Variants in GALNT9 observed in about 807,000 individuals in gnomAD.
GALNT9 encodes the protein GalNAc transferase 9.
Under a neutral mutation model 63.1 loss-of-function variants are expected in GALNT9, and 47 were observed. The ratio of observed to expected loss-of-function variants is 0.75; its 90% CI spans 0.59 to 0.95. The LOEUF (loss-of-function observed/expected upper bound fraction) is 0.95, where lower values mean the gene tolerates loss of function less well. Ranked by LOEUF, GALNT9 falls within the 40% of genes least tolerant of loss-of-function variation. The pLI, the probability that GALNT9 is intolerant of heterozygous loss-of-function variation, is 0.00. For synonymous variants in GALNT9, 396 were observed against 365.7 expected, an observed-to-expected ratio of 1.08 and a Z score of -0.94; for missense variants, 829 against 874.8, an observed-to-expected ratio of 0.95 and a Z score of 0.66.
chr12:132,286,436 G>A lies in GALNT9; in HGVS notation c.239-6C>T. The A allele has an allele frequency of 6.5e-7, 1 of 1,547,758 alleles. No individual in the cohort carries two copies. The highest frequency in any genetic ancestry group is 8.7e-7 in the Non-Finnish European group (1 of 1,145,774). On this transcript the variant is annotated splice_polypyrimidine_tract_variant and splice_region_variant and intron_variant, in intron 1 of 10. Transcript: ENST00000328957. This position sits in a 1 kb window ranked among gnomAD's most constrained non-coding sequence, Gnocchi z 7.4. ...GCCGATGGGCTTGGCAAGGCCTGGG[G>A]GAAAGGAAGAGAGGGAGGTCAGGCA...
At chr12:132,264,424 A>T (rs1254825831) in intron 2 of GALNT9, among the ~76,000 whole-genome samples, 3 of 152,242 alleles carry the variant, frequency 2.0e-5, no homozygotes, top group African/African-American at 7.2e-5. Context: ...GGAAAAGTCC[A>T]GGTGTGTTTG....
chr12:132,225,754 A>C (rs1877648287), intron 6 of GALNT9, among the ~76,000 whole-genome samples: 1 of 134,016 alleles, frequency 7.5e-6, no homozygotes, highest in African/African-American at 3.0e-5. Context: ...CACCCCCCAC[A>C]ACCCACACTA....
At chr12:132,241,403 G>A (rs1411617436) in intron 6 of GALNT9, among the ~76,000 whole-genome samples, 4 of 33,060 alleles carry the variant, frequency 1.2e-4, no homozygotes, top group Admixed American at 3.5e-4. Flanking sequence ...CCCCCTTCCC[G>A]GGGCCCTCCC....
In GALNT9 at chr12:132,243,370, C is replaced by T. The variant is rs141960065; in HGVS notation, c.1077+4540G>A. On this transcript the variant is annotated intron_variant, in intron 6 of 10. Coordinates refer to ENST00000328957, the MANE Select transcript of GALNT9 (RefSeq NM_001122636.2). Reference sequence around the variant, plus strand: ...TCAGGGCCCCCAGTGGCCTCAGTGTCCAGTCCTCCCCGTCCTCCGGAGCTC... The same window carrying T: ...TCAGGGCCCCCAGTGGCCTCAGTGTTCAGTCCTCCCCGTCCTCCGGAGCTC... Among the ~76,000 whole-genome samples the T allele has an allele frequency of 3.5e-3, 526 of 150,706 alleles. 30 individuals are homozygous for T. Among genetic ancestry groups the T allele is most frequent in the African/African-American group, 0.012 (493 of 40,136 alleles).
chr12:132,302,240 A>G (rs1555243895), intron 1 of GALNT9, among the ~76,000 whole-genome samples: 1 of 151,168 alleles, frequency 6.6e-6, no homozygotes, highest in Non-Finnish European at 1.5e-5. Context: ...ACACACACAC[A>G]CACACACACA....
Position 132,323,571 on chromosome 12 carries a change from G to A in GALNT9, c.238+5395C>T, listed in dbSNP as rs934215644. 2.6e-5 allele frequency among the ~76,000 whole-genome samples: 4 copies of A among 152,328 alleles called. No individual in the cohort carries two copies. In the South Asian group the frequency reaches 6.2e-4, roughly 24 times the overall value. ...CGATGGGGAGGACAGCTGTGTGTGA[G>A]TGCAGGCAAGGAAGAGAACGCACAA... is the stretch of plus-strand genomic sequence containing the variant. On this transcript the variant is annotated intron_variant, in intron 1 of 10. Coordinates refer to ENST00000328957, the MANE Select transcript of GALNT9 (RefSeq NM_001122636.2).
intron 6 of GALNT9, among the ~76,000 whole-genome samples, chr12:132,235,507 G>T (rs1293127837): frequency 6.6e-6 from 1 of 152,116 alleles, no homozygotes; most frequent in Admixed American, 6.5e-5. Flanking sequence ...CAGCTCGGAG[G>T]TGGGGAAAGG....
Position 132,329,358 on chromosome 12 carries a change from C to G in GALNT9, c.-155G>C, listed in dbSNP as rs1261956627. On this transcript the variant is annotated 5_prime_UTR_variant, in exon 1 of 11. Coordinates refer to ENST00000328957, the MANE Select transcript of GALNT9 (RefSeq NM_001122636.2). ...CTGTCCCTTCAGCACCAGCTCAGCG[C>G]GCCGGGCCACGGCCGCCGGGGGTCC... The G allele has an allele frequency of 4.3e-6, 5 of 1,158,804 alleles. No individual in the cohort carries two copies. The highest frequency in any genetic ancestry group is 5.6e-6 in the Non-Finnish European group (5 of 887,752). The allele number at this position is 1,158,804 out of a possible 1,614,324, so 71.8% of individuals were successfully genotyped here.
In GALNT9 at chr12:132,315,523, C is replaced by A. The variant is rs1335713182; in HGVS notation, c.238+13443G>T. On this transcript the variant is annotated intron_variant, in intron 1 of 10. Coordinates refer to ENST00000328957, the MANE Select transcript of GALNT9 (RefSeq NM_001122636.2). The surrounding 1 kb of genome is among the most constrained non-coding windows in gnomAD (Gnocchi z 6.1). ...AAATCAGGGCTTGCTGGGTTTCACGCCGGAGCTGCACGCAGAGCTGATGCG... is the reference window on the plus strand; with the variant it reads ...AAATCAGGGCTTGCTGGGTTTCACGACGGAGCTGCACGCAGAGCTGATGCG... 6.6e-6 allele frequency among the ~76,000 whole-genome samples: 1 copy of A among 152,212 alleles called. No homozygotes were observed. Among genetic ancestry groups the A allele is most frequent in the African/African-American group, 2.4e-5 (1 of 41,450 alleles).
intron 6 of GALNT9, among the ~76,000 whole-genome samples, chr12:132,227,721 G>A (rs1254495724): frequency 6.6e-5 from 10 of 152,244 alleles, no homozygotes; most frequent in Admixed American, 1.3e-4. Flanking sequence ...GGGTGTAGTC[G>A]TATTGTCATC....
At position 132,238,160 on chromosome 12, in the gene GALNT9, A is replaced by C. The variant is rs1305404314; in HGVS notation, c.1077+9750T>G. ...GACCTTACAGCAACGAGCCTGGCTG[A>C]TGCTTCCAAGGCTAAGGACGCGGGC... is the stretch of plus-strand genomic sequence containing the variant. On this transcript the variant is annotated intron_variant, in intron 6 of 10. Transcript: ENST00000328957. This position sits in a 1 kb window ranked among gnomAD's most constrained non-coding sequence, Gnocchi z 6.5. Among the ~76,000 whole-genome samples the C allele has an allele frequency of 2.6e-5, 4 of 152,206 alleles. No individual in the cohort carries two copies. The highest frequency in any genetic ancestry group is 5.9e-5 in the Non-Finnish European group (4 of 68,040).
intron 6 of GALNT9, among the ~76,000 whole-genome samples, chr12:132,222,792 T>C (rs1172017869): frequency 1.3e-5 from 2 of 151,516 alleles, no homozygotes; most frequent in African/African-American, 2.4e-5. Flanking sequence ...ATACGGACGC[T>C]ATGGACGCAC....
chr12:132,261,250 C>A, intron 3 of GALNT9, 128 bp from the exon 4 acceptor site: 1 of 1,405,882 alleles, frequency 7.1e-7, no homozygotes, highest in East Asian at 2.6e-5. Flanking sequence ...TTAGGACCCA[C>A]TGAACCACAT....
chr12:132,211,580 C>T (rs1876957112), intron 6 of GALNT9, among the ~76,000 whole-genome samples: 2 of 152,106 alleles, frequency 1.3e-5, no homozygotes, highest in Non-Finnish European at 1.5e-5. Flanking sequence ...CCGCTCACTC[C>T]GTCCACCCTC....
intron 2 of GALNT9, chr12:132,276,447 G>C (rs1344698739): frequency 6.4e-6 from 1 of 155,142 alleles, no homozygotes; most frequent in African/African-American, 2.4e-5. Context: ...GACCCGAGAC[G>C]CAGAAGGCTT....
intron 5 of GALNT9, among the ~76,000 whole-genome samples, chr12:132,257,085 G>A (rs1593087813): frequency 6.6e-6 from 1 of 152,210 alleles, no homozygotes; most frequent in Non-Finnish European, 1.5e-5. Flanking sequence ...CAGTGAGCCT[G>A]CTCCTGCCAC....
intron 1 of GALNT9, among the ~76,000 whole-genome samples, chr12:132,290,000 G>A (rs1382331759): frequency 6.6e-6 from 1 of 152,200 alleles, no homozygotes; most frequent in African/African-American, 2.4e-5. Flanking sequence ...TTGGCTGGTG[G>A]AGTCAGTGCT....
intron 1 of GALNT9, among the ~76,000 whole-genome samples, chr12:132,313,009 C>T (rs1267941738): frequency 2.0e-5 from 3 of 152,238 alleles, no homozygotes; most frequent in South Asian, 2.1e-4. Context: ...TGTCTGTCCT[C>T]ACTCTATAGA....
At chr12:132,198,082 C>T in intron 9 of GALNT9, 123 bp from the exon 10 acceptor site, 2 of 783,400 alleles carry the variant, frequency 2.6e-6, no homozygotes, top group East Asian at 2.7e-5. Flanking sequence ...CTTGGAGCCT[C>T]CCACCCCGGG....
Sources: gnomAD v4.1 joint callset for allele counts (sites outside exome capture counted in the v4.1 genomes callset) on GRCh38, gnomAD v4.1.1 for gene constraint, Gnocchi (gnomAD v3.1) non-coding constraint, MANE v1.5 for transcripts, NCBI Gene and HGNC (gene_info 2026-07-23, HGNC 2026-07-21) for gene names.